Variants in EYA3 observed in about 807,000 individuals in gnomAD.
EYA3 encodes protein phosphatase EYA3.
EYA3 carries 39 observed loss-of-function variants against 80.0 expected under a neutral mutation model. That is an observed-to-expected ratio of 0.49 (90% CI 0.38 to 0.64). The LOEUF (loss-of-function observed/expected upper bound fraction) is 0.64. EYA3 is among the 30% of genes least tolerant of loss of function. The pLI, the probability that EYA3 is intolerant of heterozygous loss-of-function variation, is 0.00. For missense variants in EYA3, 523 were observed against 676.1 expected (o/e 0.77, Z 2.51); for synonymous variants, 206 against 232.8 (o/e 0.88, Z 1.05).
intron 13 of EYA3, 131 bp downstream of exon 13, chr1:27,997,189 C>T (rs1640519220): frequency 1.3e-6 from 1 of 793,012 alleles, no homozygotes. Context: ...ATGTTTGTTT[C>T]TATGTCCTCT....
chr1:28,047,606 A>G (rs138668813), intron 3 of EYA3, among the ~76,000 whole-genome samples: 5 of 151,762 alleles, frequency 3.3e-5, no homozygotes, highest in East Asian at 2.0e-4. Flanking sequence ...GAAGAAGCCA[A>G]ACTGTGAGGT....
chr1:28,033,777 C>A (rs1485325513), intron 6 of EYA3, among the ~76,000 whole-genome samples: 1 of 151,290 alleles, frequency 6.6e-6, no homozygotes. Flanking sequence ...GCCTCAGCCT[C>A]CTGAGTAGCT....
At chr1:28,064,081 A>T (rs1644740026) in intron 1 of EYA3, among the ~76,000 whole-genome samples, 1 of 152,214 alleles carries the variant, frequency 6.6e-6, no homozygotes, top group Admixed American at 6.5e-5. Flanking sequence ...TAGTGGCTTA[A>T]TTATTGGTAT....
chr1:28,033,021 G>T (rs1052618251), intron 6 of EYA3, among the ~76,000 whole-genome samples: 7 of 152,140 alleles, frequency 4.6e-5, no homozygotes, highest in African/African-American at 1.7e-4. Flanking sequence ...AGGATTACAT[G>T]AGACAATACT....
intron 1 of EYA3, among the ~76,000 whole-genome samples, chr1:28,059,267 C>T (rs756974615): frequency 1.3e-5 from 2 of 152,170 alleles, no homozygotes; most frequent in Non-Finnish European, 2.9e-5. Flanking sequence ...GCTTTATTCC[C>T]TACCCCAATT....
chr1:27,976,359 C>T (rs1182153178), intron 17 of EYA3, among the ~76,000 whole-genome samples: 1 of 152,060 alleles, frequency 6.6e-6, no homozygotes, highest in African/African-American at 2.4e-5. Flanking sequence ...ACTTGGGAGG[C>T]TGAGGTACGA....
intron 1 of EYA3, among the ~76,000 whole-genome samples, chr1:28,079,959 G>A (rs529302529): frequency 6.6e-6 from 1 of 151,916 alleles, no homozygotes; most frequent in East Asian, 1.9e-4. Context: ...ATTACAAAAA[G>A]ACAATATTAG....
rs375565356 is a variant in EYA3, at chr1:28,017,243, G to A, written c.500-4C>T. The A allele has an allele frequency of 6.8e-6, 11 of 1,606,318 alleles. No individual in the cohort carries two copies. Among genetic ancestry groups the A allele is most frequent in the Non-Finnish European group, 8.5e-6 (10 of 1,173,092 alleles). ...AGGCTGGCATTTGTGCTTGAAGCTA[G>A]AGGATTGATGGGGTTAAAAGATATT... On this transcript the variant is annotated splice_polypyrimidine_tract_variant and splice_region_variant and intron_variant, in intron 7 of 17. Coordinates refer to ENST00000373871, the MANE Select transcript of EYA3 (RefSeq NM_001990.4).
intron 1 of EYA3, among the ~76,000 whole-genome samples, chr1:28,075,670 C>T (rs1481872940): frequency 6.6e-6 from 1 of 152,192 alleles, no homozygotes; most frequent in African/African-American, 2.4e-5. Context: ...CAAGATTCAG[C>T]CATTTCTCTT....
rs749343797 is a variant in EYA3, at chr1:27,989,727, G to A, written c.1388C>T (p.Ala463Val). Residue 463 changes from alanine to valine, a missense_variant, in exon 15 of 18, where the codon GCA becomes GTA. Physicochemically the swap from Ala to Val is moderately conservative, Grantham distance 64 (BLOSUM62 0). Around this residue, in one of 2 missense-constraint regions of EYA3, gnomAD observed 219 missense variants for 332.8 expected, o/e 0.66. Coordinates refer to ENST00000373871, the MANE Select transcript of EYA3 (RefSeq NM_001990.4). ...CTGGATGAGAAGTAAGGACTTTAAT[G>A]CAGTTCCTAACCAGGAATCTGTTAA... The part of the protein sequence containing the change: ...EVLTDSWLGT[A>V]LKSLLLIQSR... 1.2e-6 allele frequency: 2 copies of A among 1,611,830 alleles called. No individual in the cohort carries two copies. Among genetic ancestry groups the A allele is most frequent in the Non-Finnish European group, 1.7e-6 (2 of 1,178,742 alleles).
At chr1:27,996,403 G>GCTT (rs1557542228) in intron 13 of EYA3, among the ~76,000 whole-genome samples, 12 of 151,410 alleles carry the variant, frequency 7.9e-5, no homozygotes. Context: ...TTAGCCACAC[G>GCTT]TATAAGAGGA....
intron 13 of EYA3, among the ~76,000 whole-genome samples, chr1:27,995,350 T>C (rs1028582777): frequency 7.8e-6 from 1 of 128,110 alleles, no homozygotes; most frequent in East Asian, 2.3e-4. Flanking sequence ...AGGGTGAAGC[T>C]ACAGCAAGCC....
intron 1 of EYA3, among the ~76,000 whole-genome samples, chr1:28,073,755 T>A (rs1365889676): frequency 6.6e-6 from 1 of 152,116 alleles, no homozygotes; most frequent in Non-Finnish European, 1.5e-5. Context: ...TCGATGTGGT[T>A]TTACAAAATT....
At chr1:28,066,706 T>A (rs1644848348) in intron 1 of EYA3, among the ~76,000 whole-genome samples, 2 of 152,052 alleles carry the variant, frequency 1.3e-5, no homozygotes, top group Admixed American at 1.3e-4. Flanking sequence ...AAAATAAACT[T>A]TCATGCAATG....
At chr1:28,038,774 TA>T (rs1313808467) in intron 5 of EYA3, 64 bp downstream of exon 5, 1 of 878,340 alleles carries the variant, frequency 1.1e-6, no homozygotes, top group East Asian at 2.6e-5. Flanking sequence ...GGAAAAATAA[TA>T]TTAAATTTTG....
At chr1:27,991,683 G>A (rs1640074071) in intron 14 of EYA3, among the ~76,000 whole-genome samples, 1 of 152,080 alleles carries the variant, frequency 6.6e-6, no homozygotes. Flanking sequence ...AAAACAAAAC[G>A]ACAACAAAAC....
At chr1:28,051,626 G>A (rs937253165) in intron 2 of EYA3, among the ~76,000 whole-genome samples, 7 of 152,126 alleles carry the variant, frequency 4.6e-5, no homozygotes, top group Admixed American at 3.3e-4. Context: ...GGTGGAGGTC[G>A]CAGTAAGCTG....
At chr1:27,999,037 G>A (rs1394086607) in intron 12 of EYA3, among the ~76,000 whole-genome samples, 1 of 152,138 alleles carries the variant, frequency 6.6e-6, no homozygotes, top group Non-Finnish European at 1.5e-5. Flanking sequence ...CCAAAGTTTT[G>A]GGATTACAGG....
At chr1:28,050,865 A>G (rs61789709) in intron 2 of EYA3, among the ~76,000 whole-genome samples, 5 of 152,254 alleles carry the variant, frequency 3.3e-5, no homozygotes. Flanking sequence ...AATACAAGCT[A>G]GAAACTGACA....
Sources: gnomAD v4.1 joint callset for allele counts (sites outside exome capture counted in the v4.1 genomes callset) on GRCh38, gnomAD v4.1.1 for gene constraint, gnomAD v4.1.1 regional missense constraint, MANE v1.5 for transcripts, NCBI Gene and HGNC (gene_info 2026-07-23, HGNC 2026-07-21) for gene names.